KIAA2012: variants seen among roughly 807,000 people sequenced by gnomAD.
KIAA2012 encodes uncharacterized protein KIAA2012.
A neutral mutation model predicts 150.6 loss-of-function variants in KIAA2012; 125 were observed. The observed-to-expected ratio is 0.83, with a 90% CI of 0.72 to 0.96. The LOEUF (loss-of-function observed/expected upper bound fraction) is 0.96, where lower values mean the gene tolerates loss of function less well. KIAA2012 is among the 40% of genes least tolerant of loss of function. KIAA2012 has a pLI of 0.00. For synonymous variants in KIAA2012, 462 were observed against 504.7 expected, an observed-to-expected ratio of 0.92 and a Z score of 1.13; for missense variants, 1,219 against 1,354.9, an observed-to-expected ratio of 0.90 and a Z score of 1.57.
intron 15 of KIAA2012, among the ~76,000 whole-genome samples, chr2:202,180,269 CAAAA>C (rs569117421): frequency 2.0e-5 from 1 of 49,318 alleles, no homozygotes; most frequent in Non-Finnish European, 4.4e-5. Context: ...GAAACTCCTC[CAAAA>C]AAAAAAAAAA....
intron 11 of KIAA2012, chr2:202,116,484 T>TTTTTTG: frequency 6.5e-6 from 1 of 153,932 alleles, no homozygotes; most frequent in Non-Finnish European, 1.3e-5. Context: ...TTTTTTTTTT[T>TTTTTTG]TTTTTGAGAT....
intron 15 of KIAA2012, among the ~76,000 whole-genome samples, chr2:202,168,913 A>T (rs181566290): frequency 1.1e-4 from 17 of 152,330 alleles, no homozygotes; most frequent in Admixed American, 5.9e-4. Context: ...GTTCTGTCAA[A>T]AAAAGGAGGC....
intron 13 of KIAA2012, among the ~76,000 whole-genome samples, chr2:202,148,743 C>T (rs1691355737): frequency 6.6e-6 from 1 of 152,196 alleles, no homozygotes. Flanking sequence ...GGCCTCCTCC[C>T]TTCCAGCCAG....
chr2:202,099,592 T>C, intron 5 of KIAA2012, 21 bp from the exon 6 acceptor site: 3 of 1,535,652 alleles, frequency 2.0e-6, no homozygotes, highest in Non-Finnish European at 2.6e-6. Context: ...TTTACAGGAA[T>C]GTGTATCTGT....
intron 12 of KIAA2012, among the ~76,000 whole-genome samples, chr2:202,131,489 A>C (rs946174518): frequency 6.6e-6 from 1 of 152,218 alleles, no homozygotes. Context: ...TCATTTATTC[A>C]ACAAACACTA....
At chr2:202,116,472 T>TC in intron 11 of KIAA2012, 1 of 144,016 alleles carries the variant, frequency 6.9e-6, no homozygotes, top group East Asian at 2.0e-4. Context: ...CGGCTTTTTT[T>TC]TTTTTTTTTT....
intron 11 of KIAA2012, among the ~76,000 whole-genome samples, chr2:202,124,837 A>G (rs1690741753): frequency 6.6e-6 from 1 of 152,218 alleles, no homozygotes; most frequent in East Asian, 1.9e-4. Context: ...TGGGAGGCTG[A>G]GGTGGGCAGA....
At chr2:202,136,009 T>A (rs1460616236) in intron 12 of KIAA2012, 2 of 328,358 alleles carry the variant, frequency 6.1e-6, no homozygotes, top group South Asian at 2.4e-5. Flanking sequence ...AAAAAAAAAT[T>A]TTTTTTGAAA....
chr2:202,202,919 CCTGT>C (rs967871001), intron 23 of KIAA2012, among the ~76,000 whole-genome samples: 1 of 150,108 alleles, frequency 6.7e-6, no homozygotes, highest in East Asian at 1.9e-4. Flanking sequence ...AGAGTGGGAC[CCTGT>C]CTCTTAAGAA....
At chr2:202,194,809 C>A (rs1311827699) in intron 21 of KIAA2012, among the ~76,000 whole-genome samples, 1 of 152,052 alleles carries the variant, frequency 6.6e-6, no homozygotes, top group East Asian at 1.9e-4. Flanking sequence ...CACACTATTG[C>A]CTGGGCTGGA....
chr2:202,174,304 G>A (rs576934544), intron 15 of KIAA2012, among the ~76,000 whole-genome samples: 1 of 152,268 alleles, frequency 6.6e-6, no homozygotes, highest in East Asian at 1.9e-4. Flanking sequence ...GGACAAGGAT[G>A]TCCTCTATCA....
chr2:202,180,901 A>G (rs1692105667), intron 15 of KIAA2012, among the ~76,000 whole-genome samples: 2 of 152,352 alleles, frequency 1.3e-5, no homozygotes, highest in South Asian at 4.1e-4. Context: ...TAGAAGCGAT[A>G]TGAATTTTTA....
intron 11 of KIAA2012, chr2:202,116,195 A>C (rs1040696615): frequency 6.6e-6 from 1 of 152,234 alleles, no homozygotes; most frequent in Non-Finnish European, 1.5e-5. Context: ...CCAATGATTC[A>C]GGTTGGGCAT....
chr2:202,139,239 A>G (rs886958128), intron 13 of KIAA2012, among the ~76,000 whole-genome samples: 3 of 151,854 alleles, frequency 2.0e-5, no homozygotes, highest in Admixed American at 2.0e-4. Context: ...CTCAGGAAAA[A>G]AAAAAAAAAA....
intron 9 of KIAA2012, among the ~76,000 whole-genome samples, chr2:202,108,563 A>T (rs1482469232): frequency 6.6e-6 from 1 of 152,186 alleles, no homozygotes; most frequent in Non-Finnish European, 1.5e-5. Flanking sequence ...TTTGAAGAAG[A>T]TGGGCCAGTT....
At chr2:202,181,207 C>T (rs915387062) in intron 15 of KIAA2012, among the ~76,000 whole-genome samples, 1 of 152,118 alleles carries the variant, frequency 6.6e-6, no homozygotes, top group African/African-American at 2.4e-5. Context: ...TGTGCTCAAG[C>T]GATCTGCCTG....
Position 202,074,882 on chromosome 2 carries a change from T to C in KIAA2012, c.85-9T>C. 6.5e-7 allele frequency: 1 copy of C among 1,536,782 alleles called. No homozygotes were observed. The highest frequency in any genetic ancestry group is 2.4e-5 in the East Asian group (1 of 40,834). The stretch of plus-strand genomic sequence containing the variant: ...GTGGCTCCGTCAAAGTGGCTGCTTC[T>C]CATTGCAGGATTACTTGAACTGGAG... On this transcript the variant is annotated splice_polypyrimidine_tract_variant and intron_variant, in intron 1 of 23. Coordinates refer to ENST00000498697, the MANE Select transcript of KIAA2012 (RefSeq NM_001277372.4).
chr2:202,093,804 T>C (rs1055770119), intron 4 of KIAA2012, among the ~76,000 whole-genome samples: 6 of 152,154 alleles, frequency 3.9e-5, no homozygotes, highest in African/African-American at 1.4e-4. Flanking sequence ...TGTAAACTGT[T>C]TAGTATTATG....
chr2:202,169,596 A>G (rs1302866545), intron 15 of KIAA2012, among the ~76,000 whole-genome samples: 6 of 152,212 alleles, frequency 3.9e-5, no homozygotes, highest in Non-Finnish European at 7.3e-5. Flanking sequence ...TAGTGTACCA[A>G]GTCGTTTCAT....
Sources: gnomAD v4.1 joint callset for allele counts (sites outside exome capture counted in the v4.1 genomes callset) on GRCh38, gnomAD v4.1.1 for gene constraint, MANE v1.5 for transcripts, NCBI Gene and HGNC (gene_info 2026-07-23, HGNC 2026-07-21) for gene names.